Variants in MPP7 observed in about 807,000 individuals in gnomAD.
The protein encoded by MPP7 is MAGUK p55 subfamily member 7.
Under a neutral mutation model 76.5 loss-of-function variants are expected in MPP7, and 60 were observed. The ratio of observed to expected loss-of-function variants is 0.78; its 90% CI spans 0.64 to 0.97. MPP7 has a LOEUF of 0.97. MPP7 is among the 50% of genes least tolerant of loss of function. MPP7 has a pLI of 0.00. For missense variants in MPP7, 641 were observed against 694.0 expected (o/e 0.92, Z 0.86); for synonymous variants, 237 against 244.5 (o/e 0.97, Z 0.29).
chr10:28,191,777 A>G (rs892893245), intron 3 of MPP7, among the ~76,000 whole-genome samples: 2 of 152,340 alleles, frequency 1.3e-5, no homozygotes, highest in Admixed American at 6.5e-5. Context: ...AATGTAATCT[A>G]TCACATCAAT....
chr10:28,110,097 CT>C (rs1040119800), intron 11 of MPP7, among the ~76,000 whole-genome samples: 58 of 142,594 alleles, frequency 4.1e-4, no homozygotes, highest in Non-Finnish European at 3.5e-4. Flanking sequence ...TTTCTTTTTT[CT>C]TTTTTTTTTT....
rs1852360896 is a variant in MPP7, at chr10:28,073,917, CCAGAAAGCCACCCCTGATCCTAGAGGAT to C, written c.1124-4093_1124-4066del. Reference sequence around the variant, plus strand: ...GAGCTTGGCTCAAACAGTGCTTCCTCCAGAAAGCCACCCCTGATCCTAGAGGATCAGGGTTCCCACTTTCATGTTCCAC... The same window carrying C: ...GAGCTTGGCTCAAACAGTGCTTCCTCCAGGGTTCCCACTTTCATGTTCCAC... On this transcript the variant is annotated intron_variant, in intron 12 of 16. Transcript: ENST00000683449. Among the ~76,000 whole-genome samples the C allele has an allele frequency of 2.0e-5, 3 of 152,062 alleles. No individual in the cohort carries two copies. The South Asian group carries it at 6.2e-4, about 32-fold the overall frequency.
rs1055612592 is a variant in MPP7 at position 28,079,740 on chromosome 10, GAATA to G, written c.1124-9892_1124-9889del. Among the ~76,000 whole-genome samples the G allele has an allele frequency of 2.6e-5, 4 of 152,254 alleles. No homozygotes were observed. In the South Asian group the frequency reaches 8.3e-4, roughly 32 times the overall value. Reference sequence around the variant, plus strand: ...ATGTTAGTGCACATTCTGAGCGAATGAATAAACATTTACTTGAACAGCAATATGT... The same window carrying G: ...ATGTTAGTGCACATTCTGAGCGAATGAACATTTACTTGAACAGCAATATGT... On this transcript the variant is annotated intron_variant, in intron 12 of 16. Coordinates refer to ENST00000683449, the MANE Select transcript of MPP7 (RefSeq NM_001318170.2).
intron 1 of MPP7, among the ~76,000 whole-genome samples, chr10:28,277,551 T>C (rs998383506): frequency 2.0e-5 from 3 of 152,016 alleles, no homozygotes; most frequent in African/African-American, 7.3e-5. Context: ...GGTCATACAG[T>C]TGGCAGAACT....
intron 5 of MPP7, 98 bp downstream of exon 5, chr10:28,147,385 C>T (rs1159307126): frequency 5.6e-6 from 5 of 893,134 alleles, no homozygotes; most frequent in South Asian, 1.4e-5. Flanking sequence ...ATTCAAAATA[C>T]ATTTACTTGA....
intron 1 of MPP7, among the ~76,000 whole-genome samples, chr10:28,262,258 TG>T (rs1840008249): frequency 7.8e-5 from 2 of 25,804 alleles, no homozygotes; most frequent in African/African-American, 2.4e-4. Context: ...TATATATATA[TG>T]TATATATATA....
In MPP7 at chr10:28,238,748, G is replaced by C. The variant is rs543704300; in HGVS notation, c.-131-13C>G. ...TTGTAAGCCGTTTCTAGAAAGGAAA[G>C]AAACATTTATATTTTTTAAAAAGGG... is the stretch of plus-strand genomic sequence containing the variant. On this transcript the variant is annotated splice_polypyrimidine_tract_variant and intron_variant, in intron 1 of 16. Coordinates refer to ENST00000683449, the MANE Select transcript of MPP7 (RefSeq NM_001318170.2). 6.7e-5 allele frequency: 49 copies of C among 731,374 alleles called. 1 individual carries two copies. In the South Asian group the frequency reaches 8.2e-4, roughly 12 times the overall value. The allele number at this position is 731,374 out of a possible 1,614,324, so 45.3% of individuals were successfully genotyped here.
chr10:28,209,566 G>T (rs1838064793), intron 2 of MPP7, among the ~76,000 whole-genome samples: 2 of 152,012 alleles, frequency 1.3e-5, no homozygotes, highest in Non-Finnish European at 2.9e-5. Flanking sequence ...GTTTGGCATT[G>T]GAGATACAAT....
chr10:28,130,562 G>C (rs552085801), intron 6 of MPP7, among the ~76,000 whole-genome samples: 1 of 152,164 alleles, frequency 6.6e-6, no homozygotes, highest in Non-Finnish European at 1.5e-5. Flanking sequence ...TTTCAGCTTA[G>C]CTTCCAGCAC....
Position 28,061,220 on chromosome 10 carries a change from C to T in MPP7, c.1205-1477G>A, listed in dbSNP as rs577724971. Among the ~76,000 whole-genome samples the T allele has an allele frequency of 2.0e-5, 3 of 151,596 alleles. No individual in the cohort carries two copies. The South Asian group carries it at 6.3e-4, about 32-fold the overall frequency. The stretch of plus-strand genomic sequence containing the variant: ...TTTCAAGGGGAAAGATAACAGATAG[C>T]AACCCTGAATGACCTGGAAGTTAGA... On this transcript the variant is annotated intron_variant, in intron 13 of 16. Transcript: ENST00000683449.
In MPP7 at chr10:28,053,336, C is replaced by T. The variant is rs1350260786; in HGVS notation, c.*729G>A. 1.3e-5 allele frequency: 2 copies of T among 152,164 alleles called. No individual in the cohort carries two copies. Among genetic ancestry groups the T allele is most frequent in the Non-Finnish European group, 2.9e-5 (2 of 68,032 alleles). The allele number at this position is 152,164 out of a possible 1,614,324, so 9.4% of individuals were successfully genotyped here. On this transcript the variant is annotated 3_prime_UTR_variant, in exon 17 of 17. Coordinates refer to ENST00000683449, the MANE Select transcript of MPP7 (RefSeq NM_001318170.2). ...TCTTGCCACAAGGCTACCATTCTTACTTATATTAATCCCAAAGGAAAGGCT... is the reference window on the plus strand; with the variant it reads ...TCTTGCCACAAGGCTACCATTCTTATTTATATTAATCCCAAAGGAAAGGCT...
chr10:28,292,051 C>T (rs1450692552), intron 1 of MPP7, among the ~76,000 whole-genome samples: 1 of 152,042 alleles, frequency 6.6e-6, no homozygotes, highest in African/African-American at 2.4e-5. Flanking sequence ...TCTTTTTTAC[C>T]ATATTTTTAC....
At chr10:28,157,704 A>C (rs966048469) in intron 3 of MPP7, among the ~76,000 whole-genome samples, 3 of 152,092 alleles carry the variant, frequency 2.0e-5, no homozygotes, top group African/African-American at 7.2e-5. Flanking sequence ...ACCCTCAAGC[A>C]CCCAGAGTCT....
At chr10:28,175,160 C>A (rs1034553909) in intron 3 of MPP7, among the ~76,000 whole-genome samples, 1 of 151,920 alleles carries the variant, frequency 6.6e-6, no homozygotes, top group African/African-American at 2.4e-5. Flanking sequence ...CGTGGTGATG[C>A]GCACCTATAG....
chr10:28,104,104 A>C (rs1853961870), intron 11 of MPP7, among the ~76,000 whole-genome samples: 5 of 152,176 alleles, frequency 3.3e-5, no homozygotes, highest in Admixed American at 3.3e-4. Flanking sequence ...GAGAAGACAA[A>C]AGGGAAGTGA....
intron 2 of MPP7, among the ~76,000 whole-genome samples, chr10:28,235,610 G>T (rs1398820384): frequency 6.6e-6 from 1 of 152,098 alleles, no homozygotes; most frequent in Non-Finnish European, 1.5e-5. Context: ...CTACTGCCAT[G>T]CTCCACATAC....
chr10:28,121,471 A>G (rs1161159500), intron 8 of MPP7, among the ~76,000 whole-genome samples: 2 of 152,038 alleles, frequency 1.3e-5, no homozygotes, highest in Non-Finnish European at 2.9e-5. Context: ...AAAATATCCA[A>G]CGTAATAGAT....
Position 28,150,024 on chromosome 10 carries a change from A to C in MPP7, c.192T>G (p.Ser64Arg). Residue 64 changes from serine to arginine, a missense_variant, in exon 4 of 17, where the codon AGT (serine) becomes AGG (arginine). Physicochemically the swap from Ser to Arg is moderately radical, Grantham distance 110. Coordinates refer to ENST00000683449, the MANE Select transcript of MPP7 (RefSeq NM_001318170.2). ...HEKLHYYEKQ[S>R]PVPILHGAAA... ...CCGCACCATGGAGAATGGGCACCGG[A>C]CTCTGCTTCTCATAGTAGTGTAGTT... 6.2e-7 allele frequency: 1 copy of C among 1,613,706 alleles called. No individual in the cohort carries two copies. Among genetic ancestry groups the C allele is most frequent in the South Asian group, 1.1e-5 (1 of 91,034 alleles).
At chr10:28,145,910 A>T (rs1835688274) in intron 5 of MPP7, among the ~76,000 whole-genome samples, 1 of 152,198 alleles carries the variant, frequency 6.6e-6, no homozygotes, top group Non-Finnish European at 1.5e-5. Context: ...TGAGCCAAAT[A>T]CCAGTTCTCA....
Sources: allele counts gnomAD v4.1 joint callset (sites outside exome capture counted in the v4.1 genomes callset), GRCh38; gene constraint gnomAD v4.1.1; transcripts MANE v1.5; gene names NCBI Gene and HGNC (gene_info 2026-07-23, HGNC 2026-07-21).